SRC: variants seen among roughly 807,000 people sequenced by gnomAD.
SRC encodes proto-oncogene tyrosine-protein kinase Src.
SRC carries 13 observed loss-of-function variants against 62.9 expected under a neutral mutation model. That is an observed-to-expected ratio of 0.21 (90% CI 0.13 to 0.33). The LOEUF is 0.33. SRC is among the 10% of genes least tolerant of loss of function. The pLI, the probability that SRC is intolerant of heterozygous loss-of-function variation, is 1.00. For synonymous variants in SRC, 302 were observed against 317.5 expected, an observed-to-expected ratio of 0.95 and a Z score of 0.52; for missense variants, 457 against 737.3, an observed-to-expected ratio of 0.62 and a Z score of 4.40.
intron 2 of SRC, among the ~76,000 whole-genome samples, chr20:37,372,027 C>T (rs182815871): frequency 1.6e-4 from 25 of 152,016 alleles, no homozygotes; most frequent in Admixed American, 3.9e-4. Flanking sequence ...GAGAGGGTCT[C>T]GCTCTGTTGC....
chr20:37,395,021 T>G (rs948536209), intron 7 of SRC, among the ~76,000 whole-genome samples: 1 of 152,172 alleles, frequency 6.6e-6, no homozygotes, highest in African/African-American at 2.4e-5. Flanking sequence ...TGTACTTGTG[T>G]GAGCGTGTGG....
chr20:37,360,104 G>A (rs1369140704), intron 1 of SRC, among the ~76,000 whole-genome samples: 1 of 151,488 alleles, frequency 6.6e-6, no homozygotes, highest in African/African-American at 2.4e-5. Flanking sequence ...TTTCACGTGT[G>A]AAATATTTCA....
Position 37,398,333 on chromosome 20 carries a change from A to C in SRC, c.859+479A>C, listed in dbSNP as rs923586949. ...GCGATTTCCCGTCTGACCCTGGAGA[A>C]ACAGCAAAGCATGAGCACCGTGCAG... On this transcript the variant is annotated intron_variant, in intron 9 of 13. Coordinates refer to ENST00000373578, the MANE Select transcript of SRC (RefSeq NM_198291.3). This position sits in a 1 kb window ranked among gnomAD's most constrained non-coding sequence, Gnocchi z 5.2. Among the ~76,000 whole-genome samples the C allele has an allele frequency of 6.6e-6, 1 of 152,200 alleles. No homozygotes were observed. Among genetic ancestry groups the C allele is most frequent in the Non-Finnish European group, 1.5e-5 (1 of 68,038 alleles).
rs2070429242 is a variant in SRC, at chr20:37,384,921, G to A, written c.250+518G>A. On this transcript the variant is annotated intron_variant, in intron 4 of 13. Coordinates refer to ENST00000373578, the MANE Select transcript of SRC (RefSeq NM_198291.3). The surrounding 1 kb of genome is among the most constrained non-coding windows in gnomAD (Gnocchi z 6.7). ...GGCCGTTTTGGAGAGCCGCGGCGGT[G>A]CCCCAGACACTCCACGCAGACTTCA... Among the ~76,000 whole-genome samples, 1 of 152,160 alleles carries A rather than the reference G, an allele frequency of 6.6e-6. No individual in the cohort carries two copies. The highest frequency in any genetic ancestry group is 2.1e-4 in the South Asian group (1 of 4,832).
At chr20:37,378,559 CAG>C (rs2070311563) in intron 2 of SRC, among the ~76,000 whole-genome samples, 1 of 152,154 alleles carries the variant, frequency 6.6e-6, no homozygotes, top group Non-Finnish European at 1.5e-5. Flanking sequence ...TTCACTGAAA[CAG>C]TGTGTTGGGG....
In SRC at chr20:37,404,285, A is replaced by T. The variant is rs182801953; in HGVS notation, c.*906A>T. The T allele has an allele frequency of 1.7e-4, 40 of 233,566 alleles. No homozygotes were observed. The highest frequency in any genetic ancestry group is 1.3e-3 in the Middle Eastern group (1 of 786). The allele number at this position is 233,566 out of a possible 1,614,324, so 14.5% of individuals were successfully genotyped here. A position where few individuals can be genotyped will look rare whatever the true frequency, so the allele number is the denominator to read the frequency against. On this transcript the variant is annotated 3_prime_UTR_variant, in exon 14 of 14. Transcript: ENST00000373578. ...GCTGTTGGGAACAGCATGGAGGCAGATGTGGGGCTGAGCTGGGGAATCAGG... is the reference window on the plus strand; with the variant it reads ...GCTGTTGGGAACAGCATGGAGGCAGTTGTGGGGCTGAGCTGGGGAATCAGG...
rs181103048 is a variant in SRC at position 37,385,942 on chromosome 20, A to G, written c.251-133A>G. The G allele has an allele frequency of 9.2e-4, 665 of 722,030 alleles. 7 individuals carry two copies. The African/African-American group carries it at 0.011, about 11-fold the overall frequency. The allele number at this position is 722,030 out of a possible 1,614,324, so 44.7% of individuals were successfully genotyped here. On this transcript the variant is annotated intron_variant, in intron 4 of 13. Coordinates refer to ENST00000373578, the MANE Select transcript of SRC (RefSeq NM_198291.3). ...ACGTGCACAGGCCCATCTTCACTGA[A>G]CCTGACTGTGTCTTTGGGCTGAGCA...
intron 2 of SRC, among the ~76,000 whole-genome samples, chr20:37,380,697 T>G (rs2147033275): frequency 6.6e-6 from 1 of 152,236 alleles, no homozygotes; most frequent in African/African-American, 2.4e-5. Flanking sequence ...TGGAGATGGA[T>G]CCTGCCTGGC....
chr20:37,402,878 C>G lies in SRC; in HGVS notation c.1400C>G (p.Pro467Arg). The G allele has an allele frequency of 1.2e-6, 2 of 1,613,334 alleles. No individual in the cohort carries two copies. Among genetic ancestry groups the G allele is most frequent in the Non-Finnish European group, 1.7e-6 (2 of 1,179,594 alleles). ...ELTTKGRVPY[P>R]GMVNREVLDQ... Reference sequence around the variant, plus strand: ...ACCACAAAGGGACGGGTGCCCTACCCTGGTAAGAAGGTCCTCATGGCCTGT... The same window carrying G: ...ACCACAAAGGGACGGGTGCCCTACCGTGGTAAGAAGGTCCTCATGGCCTGT... The change falls in exon 13 of 14, where the codon CCT (proline) becomes CGT (arginine). Residue 467 changes from proline (P) to arginine (R), a missense_variant and splice_region_variant. Physicochemically the swap from Pro to Arg is moderately radical, Grantham distance 103 (BLOSUM62 -2). Around this residue, in one of 4 missense-constraint regions of SRC, gnomAD observed 168 missense variants for 357.8 expected, o/e 0.47. Coordinates refer to ENST00000373578, the MANE Select transcript of SRC (RefSeq NM_198291.3). This position sits in a 1 kb window ranked among gnomAD's most constrained non-coding sequence, Gnocchi z 6.2.
At position 37,395,678 on chromosome 20, in the gene SRC, A is replaced by G. The variant is rs112133976; in HGVS notation, c.554-484A>G. ...GCAAGGAGGTTGGGGGGACATGGAC[A>G]GTGCCCCCGCAAGCTGACCCAGAGA... On this transcript the variant is annotated intron_variant, in intron 7 of 13. Transcript: ENST00000373578. 6.8e-3 allele frequency among the ~76,000 whole-genome samples: 1,038 copies of G among 152,246 alleles called. 11 individuals carry two copies. Among genetic ancestry groups the G allele is most frequent in the African/African-American group, 0.023 (947 of 41,556 alleles).
At chr20:37,373,253 CACACAT>C (rs879494872) in intron 2 of SRC, among the ~76,000 whole-genome samples, 33,460 of 138,588 alleles carry the variant, frequency 0.24, 5,380 homozygotes, top group African/African-American at 0.48. Flanking sequence ...TACACACGCA[CACACAT>C]GTACATACGC....
At chr20:37,364,990 G>A (rs1364706383) in intron 1 of SRC, among the ~76,000 whole-genome samples, 1 of 152,174 alleles carries the variant, frequency 6.6e-6, no homozygotes, top group East Asian at 1.9e-4. Flanking sequence ...AGCCAGAGGA[G>A]ATGCTGGTCC....
At chr20:37,352,870 C>T (rs940347095) in intron 1 of SRC, among the ~76,000 whole-genome samples, 6 of 152,218 alleles carry the variant, frequency 3.9e-5, no homozygotes, top group Non-Finnish European at 7.3e-5. Flanking sequence ...CCTCTCAGTG[C>T]CCCTCCAGTG....
intron 2 of SRC, among the ~76,000 whole-genome samples, chr20:37,381,152 C>CA (rs1490491768): frequency 4.6e-5 from 7 of 152,050 alleles, no homozygotes; most frequent in Admixed American, 6.5e-5. Flanking sequence ...CCACCAAGAC[C>CA]AAAAAAACAG....
chr20:37,379,942 T>TAAAA (rs57772720), intron 2 of SRC, among the ~76,000 whole-genome samples: 3 of 51,466 alleles, frequency 5.8e-5, no homozygotes, highest in East Asian at 6.5e-4. Flanking sequence ...GAGCTTGGAG[T>TAAAA]AAAAAAAAAA....
intron 2 of SRC, among the ~76,000 whole-genome samples, chr20:37,373,806 C>T (rs1398313193): frequency 6.6e-6 from 1 of 152,106 alleles, no homozygotes; most frequent in Non-Finnish European, 1.5e-5. Flanking sequence ...ATAGTAAATT[C>T]CCATATGTTT....
At chr20:37,373,213 CAT>C (rs1600980560) in intron 2 of SRC, among the ~76,000 whole-genome samples, 1 of 146,888 alleles carries the variant, frequency 6.8e-6, no homozygotes, top group Non-Finnish European at 1.5e-5. Context: ...TATCTACACA[CAT>C]GTACATACGT....
In SRC at chr20:37,384,203, G is replaced by A; in HGVS notation, c.50G>A (p.Ser17Asn). 6.3e-7 allele frequency: 1 copy of A among 1,596,424 alleles called. No homozygotes were observed. The highest frequency in any genetic ancestry group is 8.5e-7 in the Non-Finnish European group (1 of 1,175,840). ...AAGGATGCCAGCCAGCGGCGCCGCAGCCTGGAGCCCGCCGAGAACGTGCAC... is the reference window on the plus strand; with the variant it reads ...AAGGATGCCAGCCAGCGGCGCCGCAACCTGGAGCCCGCCGAGAACGTGCAC... ...KPKDASQRRR[S>N]LEPAENVHGA... is the part of the protein sequence containing the mutation. The change falls in exon 4 of 14, where the codon AGC (serine) becomes AAC (asparagine). Residue 17 changes from serine to asparagine, a missense_variant. Ser to Asn is a conservative substitution (Grantham distance 46). Transcript: ENST00000373578. This position sits in a 1 kb window ranked among gnomAD's most constrained non-coding sequence, Gnocchi z 6.7.
chr20:37,361,130 G>T (rs2069963350), intron 1 of SRC, among the ~76,000 whole-genome samples: 1 of 151,826 alleles, frequency 6.6e-6, no homozygotes, highest in African/African-American at 2.4e-5. Context: ...GTGGGTGGTG[G>T]AGCTTAGGGG....
Sources: gnomAD v4.1 joint callset for allele counts (sites outside exome capture counted in the v4.1 genomes callset) on GRCh38, gnomAD v4.1.1 for gene constraint, gnomAD v4.1.1 regional missense constraint, Gnocchi (gnomAD v3.1) non-coding constraint, MANE v1.5 for transcripts, NCBI Gene and HGNC (gene_info 2026-07-23, HGNC 2026-07-21) for gene names.